The following BBS2 variants were observed in gnomAD, a reference collection of about 807,000 sequenced individuals.
BBS2 encodes the protein Bardet-Biedl syndrome 2.
In BBS2, 62 loss-of-function variants were observed where a neutral mutation model predicts 83.0. The ratio of observed to expected loss-of-function variants is 0.75; its 90% confidence interval spans 0.61 to 0.92. BBS2 has a LOEUF of 0.92. Ranked by LOEUF, BBS2 falls within the 40% of genes least tolerant of loss-of-function variation. The pLI, the probability that BBS2 is intolerant of heterozygous loss-of-function variation, is 0.00. For missense variants in BBS2, 784 were observed against 901.0 expected (o/e 0.87, Z 1.66); for synonymous variants, 303 against 326.1 (o/e 0.93, Z 0.76).
chr16:56,492,442 G>A (rs1963982691), intron 15 of BBS2, among the ~76,000 whole-genome samples: 1 of 152,124 alleles, frequency 6.6e-6, no homozygotes, highest in Non-Finnish European at 1.5e-5. Context: ...TTTGCATGGA[G>A]TATCTAAAAT....
chr16:56,490,665 G>GA (rs1211401255), intron 15 of BBS2, among the ~76,000 whole-genome samples: 5 of 151,838 alleles, frequency 3.3e-5, no homozygotes, highest in African/African-American at 1.2e-4. Flanking sequence ...AAAGTATTAA[G>GA]AAAATGACTT....
At chr16:56,516,139 T>C (rs1964741857) in intron 1 of BBS2, 1 of 152,206 alleles carries the variant, frequency 6.6e-6, no homozygotes, top group African/African-American at 2.4e-5. Context: ...AGTTCCCTCC[T>C]GCTGTTCTCT....
intron 17 of BBS2, chr16:56,476,404 T>TAAAA: frequency 3.2e-6 from 1 of 312,512 alleles, no homozygotes; most frequent in Non-Finnish European, 5.7e-6. Flanking sequence ...ATCTCTTGAT[T>TAAAA]AAAAAAAAAA....
At chr16:56,507,425 A>G (rs1212431658) in intron 5 of BBS2, among the ~76,000 whole-genome samples, 2 of 152,220 alleles carry the variant, frequency 1.3e-5, no homozygotes, top group African/African-American at 4.8e-5. Flanking sequence ...CAAAGAATTC[A>G]GTCTCCTCAA....
rs762198535 is a variant in BBS2 at position 56,497,895 on chromosome 16, AAT to A, written c.1660-17_1660-16del. 1.6e-5 allele frequency: 25 copies of A among 1,607,230 alleles called. 1 individual carries two copies. The South Asian group carries it at 2.6e-4, about 17-fold the overall frequency. On this transcript the variant is annotated splice_polypyrimidine_tract_variant and intron_variant, in intron 13 of 16. Coordinates refer to ENST00000245157, the MANE Select transcript of BBS2 (RefSeq NM_031885.5). ...TTTATAGTGATCTACCCAGAGAAAA[AAT>A]AGACAAGTTTAGCATCCTCAGATGT...
In BBS2 at chr16:56,497,037, T is replaced by A; in HGVS notation, c.1840A>T (p.Met614Leu). ...CGGATCAAATTAGAATGATCAGCCA[T>A]ATCAGCACTGAGCTTCTGATGCACT... is the stretch of plus-strand genomic sequence containing the variant. Reference protein sequence around the residue: ...HSVHQKLSADMADHSNLIRSL... With the variant: ...HSVHQKLSADLADHSNLIRSL... The change falls in exon 15 of 17, where the codon ATG (methionine) becomes TTG (leucine). Residue 614 changes from methionine (M) to leucine (L), a missense_variant. Met to Leu is a conservative substitution (Grantham distance 15, BLOSUM62 2). Transcript: ENST00000245157. 6.2e-7 allele frequency: 1 copy of A among 1,614,122 alleles called. No individual in the cohort carries two copies. Among genetic ancestry groups the A allele is most frequent in the Non-Finnish European group, 8.5e-7 (1 of 1,179,962 alleles).
chr16:56,475,360 T>A, intron 17 of BBS2: 1 of 745,070 alleles, frequency 1.3e-6, no homozygotes, highest in South Asian at 1.6e-5. Context: ...AACTAGATGA[T>A]AAGTTCAAGC....
intron 17 of BBS2, among the ~76,000 whole-genome samples, chr16:56,472,137 A>ATT (rs111574935): frequency 1.4e-5 from 2 of 144,154 alleles, no homozygotes; most frequent in East Asian, 2.0e-4. Context: ...AATTTTCTTG[A>ATT]TTTTTTTTTT....
At chr16:56,501,107 G>A (rs537512779) in intron 10 of BBS2, 82 bp from the exon 11 acceptor site, 15 of 1,495,118 alleles carry the variant, frequency 1.0e-5, no homozygotes, top group South Asian at 4.5e-5. Flanking sequence ...TCAGGAGGTC[G>A]AGACCATCTT....
intron 14 of BBS2, 46 bp downstream of exon 14, chr16:56,497,697 A>G (rs1225507954): frequency 6.2e-6 from 10 of 1,606,974 alleles, no homozygotes; most frequent in African/African-American, 1.3e-5. Context: ...CTCAAATATT[A>G]TTAGACTACC....
Position 56,497,012 on chromosome 16 carries a change from C to T in BBS2, c.1865G>A (p.Arg622Gln), listed in dbSNP as rs759714501. The part of the protein sequence containing the change: ...ADMADHSNLI[R>Q]SLLVGAEDAR... ...ATCCTCAGCTCCGACCAGCAAACTT[C>T]GGATCAAATTAGAATGATCAGCCAT... Residue 622 changes from arginine to glutamine, a missense_variant, in exon 15 of 17, where the codon CGA becomes CAA. Transcript: ENST00000245157. The T allele has an allele frequency of 1.3e-5, 21 of 1,613,968 alleles. No homozygotes were observed. In the East Asian group the frequency reaches 1.6e-4, roughly 12 times the overall value.
In BBS2 at chr16:56,498,472, C is replaced by G; in HGVS notation, c.1624G>C (p.Gly542Arg). Residue 542 changes from glycine to arginine, a missense_variant, in exon 13 of 17, where the codon GGC (glycine) becomes CGC (arginine). Transcript: ENST00000245157. ...AGTTTTATTTTTATATGCAGGTGGC[C>G]GCCATTCCGTAAAGATGTGAAACAC... is the stretch of plus-strand genomic sequence containing the variant. ...QVCFTSLRNGGHLHIKIKLSG... is the reference protein window; with the variant it reads ...QVCFTSLRNGRHLHIKIKLSG... The G allele has an allele frequency of 6.2e-7, 1 of 1,613,952 alleles. No homozygotes were observed. Among genetic ancestry groups the G allele is most frequent in the African/African-American group, 1.3e-5 (1 of 74,992 alleles).
intron 2 of BBS2, among the ~76,000 whole-genome samples, chr16:56,513,979 C>T (rs1597027188): frequency 6.6e-6 from 1 of 152,210 alleles, no homozygotes; most frequent in East Asian, 1.9e-4. Flanking sequence ...CAGTTAAGTG[C>T]TCTTTCTAGA....
intron 7 of BBS2, 64 bp from the exon 8 acceptor site, chr16:56,502,872 A>T: frequency 6.3e-7 from 1 of 1,587,438 alleles, no homozygotes; most frequent in Non-Finnish European, 8.6e-7. Flanking sequence ...CAAAATTTAA[A>T]AATAAAAATC....
At chr16:56,471,628 C>G (rs1483043370) in intron 17 of BBS2, among the ~76,000 whole-genome samples, 1 of 152,114 alleles carries the variant, frequency 6.6e-6, no homozygotes, top group African/African-American at 2.4e-5. Flanking sequence ...TCTTGAGAAC[C>G]CTGTGCAGTT....
At chr16:56,474,317 C>CTT (rs770427579) in intron 17 of BBS2, among the ~76,000 whole-genome samples, 40 of 130,048 alleles carry the variant, frequency 3.1e-4, no homozygotes, top group African/African-American at 5.4e-4. Flanking sequence ...CAAAATTCAA[C>CTT]TTTTTTTTTT....
chr16:56,502,918 A>G (rs186811866), intron 7 of BBS2, 110 bp from the exon 8 acceptor site: 1 of 1,357,160 alleles, frequency 7.4e-7, no homozygotes, highest in Admixed American at 2.0e-5. Context: ...AGTTTTCAAG[A>G]GTATTCTATG....
In BBS2 at chr16:56,477,129, CA is replaced by C. The variant is rs376333831; in HGVS notation, c.*1-6435del. 4.8e-3 allele frequency: 673 copies of C among 139,542 alleles called. 13 individuals carry two copies. In the South Asian group the frequency reaches 0.053, roughly 11 times the overall value. 8.6% of individuals were successfully genotyped at this position (139,542 alleles called of 1,614,324 possible). A position where few individuals can be genotyped will look rare whatever the true frequency, so the allele number is the denominator to read the frequency against. On this transcript the variant is annotated intron_variant, in intron 17 of 17. Transcript: ENST00000682047. ...GGGCAACAAGAGTGAAACTCTGTCT[CA>C]AAAAAAAAAAAGAAGAAAAAAACAT...
At chr16:56,495,254 T>A (rs1012912713) in intron 15 of BBS2, among the ~76,000 whole-genome samples, 1 of 152,258 alleles carries the variant, frequency 6.6e-6, no homozygotes, top group Non-Finnish European at 1.5e-5. Context: ...ATATCACTAT[T>A]TTGCAAACCC....
Sources: gnomAD v4.1 joint callset for allele counts (sites outside exome capture counted in the v4.1 genomes callset) on GRCh38, gnomAD v4.1.1 for gene constraint, MANE v1.5 for transcripts, NCBI Gene and HGNC (gene_info 2026-07-23, HGNC 2026-07-21) for gene names.